MAK: variants seen among roughly 807,000 people sequenced by gnomAD.
MAK encodes serine/threonine-protein kinase MAK.
In MAK, 65 loss-of-function variants were observed where a neutral mutation model predicts 82.6. The observed-to-expected ratio is 0.79, with a 90% CI of 0.64 to 0.97. MAK has a LOEUF of 0.97. Ranked by LOEUF, MAK falls within the 50% of genes least tolerant of loss-of-function variation. The pLI, the probability that MAK is intolerant of heterozygous loss-of-function variation, is 0.00. For missense variants in MAK, 703 were observed against 780.2 expected, an observed-to-expected ratio of 0.90 and a Z score of 1.18; for synonymous variants, 250 against 274.2, an observed-to-expected ratio of 0.91 and a Z score of 0.87.
chr6:10,813,137 T>TATATA (rs1456148285), intron 5 of MAK, among the ~76,000 whole-genome samples: 1 of 332 alleles, frequency 3.0e-3, no homozygotes, highest in African/African-American at 0.017. Flanking sequence ...TATATATAAA[T>TATATA]TTTTTTTTTT....
At chr6:10,833,293 C>T (rs551749111) in intron 1 of MAK, among the ~76,000 whole-genome samples, 111 of 152,248 alleles carry the variant, frequency 7.3e-4, no homozygotes, top group African/African-American at 2.6e-3. Context: ...TGAGAAGAAT[C>T]CTGTGGGGCT....
intron 11 of MAK, among the ~76,000 whole-genome samples, chr6:10,780,921 C>A (rs1266054789): frequency 6.6e-6 from 1 of 152,060 alleles, no homozygotes; most frequent in African/African-American, 2.4e-5. Context: ...AAAATTTACA[C>A]ACAGGTGTCT....
chr6:10,813,122 ATATATATATATAAATT>A (rs1777141860), intron 5 of MAK, among the ~76,000 whole-genome samples: 52 of 1,622 alleles, frequency 0.032, 3 homozygotes, highest in East Asian at 0.1. Flanking sequence ...ATATATATAT[ATATATATATATAAATT>A]TTTTTTTTTT....
rs568037149 is a variant in MAK, at chr6:10,830,897, A to G, written c.-229-20T>C. The G allele has an allele frequency of 1.3e-5, 6 of 465,980 alleles. No individual in the cohort carries two copies. The Admixed American group carries it at 1.7e-4, about 13-fold the overall frequency. The allele number at this position is 465,980 out of a possible 1,614,324, so 28.9% of individuals were successfully genotyped here. A position where few individuals can be genotyped will look rare whatever the true frequency, so the allele number is the denominator to read the frequency against. On this transcript the variant is annotated intron_variant, in intron 1 of 14. Transcript: ENST00000354489. ...AACACCCTAAAGAAAGAAAACAAGG[A>G]TATCATGAATTTTCATTAACAAGTC...
At position 10,803,705 on chromosome 6, in the gene MAK, G is replaced by T; in HGVS notation, c.663+15C>A. 6.2e-7 allele frequency: 1 copy of T among 1,607,206 alleles called. No individual in the cohort carries two copies. Among genetic ancestry groups the T allele is most frequent in the Non-Finnish European group, 8.5e-7 (1 of 1,173,814 alleles). On this transcript the variant is annotated intron_variant, in intron 7 of 14. Coordinates refer to ENST00000354489, the MANE Select transcript of MAK (RefSeq NM_001242957.3). Reference sequence around the variant, plus strand: ...TAATCAAAAGTTATAGCAACTTAGGGACAAGAGTACTTACTTTTTTGGGAG... The same window carrying T: ...TAATCAAAAGTTATAGCAACTTAGGTACAAGAGTACTTACTTTTTTGGGAG...
At chr6:10,805,042 C>T (rs907706705) in intron 6 of MAK, among the ~76,000 whole-genome samples, 4 of 119,690 alleles carry the variant, frequency 3.3e-5, no homozygotes, top group African/African-American at 1.4e-4. Context: ...CCTGTGTGGC[C>T]CCAGGATGAG....
intron 4 of MAK, among the ~76,000 whole-genome samples, chr6:10,815,036 CA>C (rs543245812): frequency 0.21 from 25,237 of 123,106 alleles, 1,951 homozygotes; most frequent in Middle Eastern, 0.28. Context: ...GACTCCATCT[CA>C]AAAAAAAAAA....
chr6:10,778,647 G>T (rs78939396), intron 11 of MAK, among the ~76,000 whole-genome samples: 1 of 152,054 alleles, frequency 6.6e-6, no homozygotes, highest in African/African-American at 2.4e-5. Flanking sequence ...GCAAGAACAC[G>T]GGGTGGTATA....
chr6:10,778,697 G>T (rs1194226873), intron 11 of MAK, among the ~76,000 whole-genome samples: 1 of 152,090 alleles, frequency 6.6e-6, no homozygotes, highest in East Asian at 1.9e-4. Flanking sequence ...GGCCACACAG[G>T]ATTTTGTGTG....
Position 10,784,424 on chromosome 6 carries a change from C to G in MAK, c.1465G>C (p.Gly489Arg), listed in dbSNP as rs1395561874. The G allele has an allele frequency of 1.2e-6, 2 of 1,614,018 alleles. No individual in the cohort carries two copies. Among genetic ancestry groups the G allele is most frequent in the African/African-American group, 2.7e-5 (2 of 74,906 alleles). Residue 489 changes from glycine to arginine, a missense_variant and splice_region_variant, in exon 11 of 15, where the codon GGT becomes CGT. By Grantham distance (125) the Gly-to-Arg change is moderately radical (BLOSUM62 -2). Transcript: ENST00000354489. ...CAAACATTTTCTTTGCTCTACTTAC[C>G]TGGAAGATATCTTGATTGTTTCAAG... ...YYLKQSRYLP[G>R]VNPKKVSLIA...
chr6:10,821,564 C>T (rs954734606), intron 2 of MAK, among the ~76,000 whole-genome samples: 1 of 152,190 alleles, frequency 6.6e-6, no homozygotes, highest in Non-Finnish European at 1.5e-5. Flanking sequence ...GCATGAGCCA[C>T]CACTCCAGGT....
intron 6 of MAK, among the ~76,000 whole-genome samples, chr6:10,807,137 C>T (rs985020892): frequency 4.0e-5 from 6 of 151,874 alleles, no homozygotes; most frequent in East Asian, 1.9e-4. Context: ...GCAGAATTCA[C>T]GTGTGGCGTG....
At chr6:10,813,279 G>C (rs901646378) in intron 5 of MAK, among the ~76,000 whole-genome samples, 1 of 146,040 alleles carries the variant, frequency 6.8e-6, no homozygotes, top group African/African-American at 2.5e-5. Flanking sequence ...CTCCTGAGTA[G>C]CTGGGATTAC....
intron 11 of MAK, among the ~76,000 whole-genome samples, chr6:10,782,136 G>A (rs1774033185): frequency 6.6e-6 from 1 of 151,826 alleles, no homozygotes; most frequent in Non-Finnish European, 1.5e-5. Flanking sequence ...CAACCCAGGA[G>A]GATGAGGTTG....
chr6:10,813,128 ATATATAAATT>A (rs1777158437), intron 5 of MAK, among the ~76,000 whole-genome samples: 7 of 680 alleles, frequency 0.01, no homozygotes, highest in Non-Finnish European at 0.017. Flanking sequence ...ATATATATAT[ATATATAAATT>A]TTTTTTTTTT....
chr6:10,826,143 A>C (rs1581767125), intron 2 of MAK, among the ~76,000 whole-genome samples: 1 of 151,576 alleles, frequency 6.6e-6, no homozygotes, highest in African/African-American at 2.4e-5. Context: ...AGCCACCTAC[A>C]CTTCTTTCAG....
intron 2 of MAK, among the ~76,000 whole-genome samples, chr6:10,828,778 G>T (rs1029068017): frequency 6.6e-6 from 1 of 152,024 alleles, no homozygotes; most frequent in Non-Finnish European, 1.5e-5. Context: ...CTGGGCGACA[G>T]AATGGAACCC....
intron 8 of MAK, chr6:10,797,771 G>C: frequency 8.1e-7 from 1 of 1,241,882 alleles, no homozygotes. Context: ...GCAGTTTTTA[G>C]AGGAACAGAA....
chr6:10,813,585 A>G lies in MAK; in HGVS notation c.358+59T>C, dbSNP rs1777230057. 6 of 947,174 alleles carry G rather than the reference A, an allele frequency of 6.3e-6. No homozygotes were observed. In the South Asian group the frequency reaches 6.5e-5, roughly 10 times the overall value. The allele number at this position is 947,174 out of a possible 1,614,324, so 58.7% of individuals were successfully genotyped here. A position where few individuals can be genotyped will look rare whatever the true frequency, so the allele number is the denominator to read the frequency against. ...TTATTTAACAGTTTAATAAATTTGT[A>G]TGCACAATCTGGACAGTAATCTAAA... is the stretch of plus-strand genomic sequence containing the variant. On this transcript the variant is annotated intron_variant, in intron 5 of 14. Coordinates refer to ENST00000354489, the MANE Select transcript of MAK (RefSeq NM_001242957.3).
Sources: allele counts gnomAD v4.1 joint callset (sites outside exome capture counted in the v4.1 genomes callset), GRCh38; gene constraint gnomAD v4.1.1; transcripts MANE v1.5; gene names NCBI Gene and HGNC (gene_info 2026-07-23, HGNC 2026-07-21).